Variants in GPR137C observed in about 807,000 individuals in gnomAD.
GPR137C encodes the protein G protein-coupled receptor 137C.
Under a neutral mutation model 43.4 loss-of-function variants are expected in GPR137C, and 27 were observed. That is an observed-to-expected ratio of 0.62 (90% CI 0.46 to 0.86). The LOEUF (loss-of-function observed/expected upper bound fraction) is 0.86. Among genes scored for constraint, GPR137C ranks in the 40% least tolerant of loss-of-function variants. The probability of loss-of-function intolerance (pLI) is 0.00; values close to 1 mark genes in which losing one functional copy is unlikely to be tolerated. For missense variants in GPR137C, 522 were observed against 534.6 expected (o/e 0.98, Z 0.23); for synonymous variants, 285 against 226.9 (o/e 1.26, Z -2.30).
intron 1 of GPR137C, among the ~76,000 whole-genome samples, chr14:52,555,385 ACC>A (rs2038177157): frequency 6.6e-6 from 1 of 152,150 alleles, no homozygotes; most frequent in Non-Finnish European, 1.5e-5. Flanking sequence ...CACCCATGTT[ACC>A]ACCACCCAGA....
intron 3 of GPR137C, among the ~76,000 whole-genome samples, chr14:52,613,981 A>G (rs1452310209): frequency 6.6e-6 from 1 of 152,182 alleles, no homozygotes; most frequent in Admixed American, 6.5e-5. Context: ...ACAGTGTCCA[A>G]GGTTCCCTTT....
chr14:52,604,937 AC>A (rs1365782922), intron 3 of GPR137C, among the ~76,000 whole-genome samples: 1 of 152,208 alleles, frequency 6.6e-6, no homozygotes, highest in African/African-American at 2.4e-5. Flanking sequence ...TTATGCCAGT[AC>A]CATGCTGTTT....
At position 52,635,307 on chromosome 14, in the gene GPR137C, G is replaced by T; in HGVS notation, c.*192G>T. 4.5e-6 allele frequency: 2 copies of T among 447,550 alleles called. No individual in the cohort carries two copies. The highest frequency in any genetic ancestry group is 7.7e-6 in the Non-Finnish European group (2 of 261,008). 27.7% of individuals were successfully genotyped at this position (447,550 alleles called of 1,614,324 possible). ...ATAGTAAAATGAAGTAAAATGGAAAGTTTGGAGTAGGAGAAAAGAGAGATT... is the reference window on the plus strand; with the variant it reads ...ATAGTAAAATGAAGTAAAATGGAAATTTTGGAGTAGGAGAAAAGAGAGATT... On this transcript the variant is annotated 3_prime_UTR_variant, in exon 7 of 7. Coordinates refer to ENST00000321662, the MANE Select transcript of GPR137C (RefSeq NM_001099652.2).
chr14:52,568,825 C>G lies in GPR137C; in HGVS notation c.444+15234C>G, dbSNP rs529631657. ...GCTTATAGAGAAAACTCCCATATCCCTGGGACAGGGCACCTGGGGGAAGGG... is the reference window on the plus strand; with the variant it reads ...GCTTATAGAGAAAACTCCCATATCCGTGGGACAGGGCACCTGGGGGAAGGG... On this transcript the variant is annotated intron_variant, in intron 1 of 6. Transcript: ENST00000321662. Among the ~76,000 whole-genome samples the G allele has an allele frequency of 2.6e-5, 4 of 152,370 alleles. No individual in the cohort carries two copies. The East Asian group carries it at 5.8e-4, about 22-fold the overall frequency.
chr14:52,607,949 C>T (rs1447980021), intron 3 of GPR137C, among the ~76,000 whole-genome samples: 13 of 151,086 alleles, frequency 8.6e-5, no homozygotes, highest in Admixed American at 8.6e-4. Flanking sequence ...TTTTTGGTTT[C>T]CATTTGCATG....
chr14:52,605,830 TG>T (rs1203924005), intron 3 of GPR137C, among the ~76,000 whole-genome samples: 1 of 152,246 alleles, frequency 6.6e-6, no homozygotes, highest in African/African-American at 2.4e-5. Flanking sequence ...ATTCTGTTGC[TG>T]CGATATATCA....
In GPR137C at chr14:52,637,184, G is replaced by C. The variant is rs1189977951; in HGVS notation, c.*2069G>C. On this transcript the variant is annotated 3_prime_UTR_variant, in exon 7 of 7. Transcript: ENST00000321662. Reference sequence around the variant, plus strand: ...CTAGGGTACCCAAATTCTTGCATTTGTCTCCTTATACACATCTAACATATC... The same window carrying C: ...CTAGGGTACCCAAATTCTTGCATTTCTCTCCTTATACACATCTAACATATC... 6.6e-6 allele frequency: 1 copy of C among 152,056 alleles called. No individual in the cohort carries two copies. 9.4% of individuals were successfully genotyped at this position (152,056 alleles called of 1,614,324 possible).
At chr14:52,621,194 A>T (rs1286184437) in intron 3 of GPR137C, among the ~76,000 whole-genome samples, 3 of 151,834 alleles carry the variant, frequency 2.0e-5, no homozygotes, top group Non-Finnish European at 4.4e-5. Flanking sequence ...ACATAAAGGG[A>T]CATCAATGTA....
At chr14:52,558,854 A>G (rs560191124) in intron 1 of GPR137C, among the ~76,000 whole-genome samples, 1 of 152,354 alleles carries the variant, frequency 6.6e-6, no homozygotes, top group South Asian at 2.1e-4. Flanking sequence ...TAGGAAAAAA[A>G]ATCACTCGGG....
intron 1 of GPR137C, among the ~76,000 whole-genome samples, chr14:52,590,236 A>G (rs952758301): frequency 6.6e-6 from 1 of 151,116 alleles, no homozygotes; most frequent in African/African-American, 2.4e-5. Flanking sequence ...AATAAAAATG[A>G]AAACATTTTA....
At chr14:52,627,567 G>A (rs1309182752) in intron 3 of GPR137C, among the ~76,000 whole-genome samples, 1 of 151,596 alleles carries the variant, frequency 6.6e-6, no homozygotes, top group Non-Finnish European at 1.5e-5. Flanking sequence ...GTGCTGTCTG[G>A]GCAGTGCGGT....
At chr14:52,610,794 A>C (rs946924519) in intron 3 of GPR137C, among the ~76,000 whole-genome samples, 1 of 152,216 alleles carries the variant, frequency 6.6e-6, no homozygotes, top group African/African-American at 2.4e-5. Flanking sequence ...ACTGGGTTGT[A>C]TCAAGAGCAA....
chr14:52,621,081 A>T (rs1173604671), intron 3 of GPR137C, among the ~76,000 whole-genome samples: 1 of 151,914 alleles, frequency 6.6e-6, no homozygotes, highest in East Asian at 1.9e-4. Context: ...CCCAATCAGG[A>T]TAAATATGAA....
chr14:52,563,121 G>C lies in GPR137C; in HGVS notation c.444+9530G>C, dbSNP rs12588382. ...CCTCATTCAAATTAACTTCTCAGCA[G>C]CAATTGACCCCCCATATCTTTCCCC... is the stretch of plus-strand genomic sequence containing the variant. On this transcript the variant is annotated intron_variant, in intron 1 of 6. Coordinates refer to ENST00000321662, the MANE Select transcript of GPR137C (RefSeq NM_001099652.2). 7.9e-4 allele frequency among the ~76,000 whole-genome samples: 120 copies of C among 152,222 alleles called. 1 individual carries two copies. The East Asian group carries it at 0.014, about 18-fold the overall frequency.
intron 1 of GPR137C, among the ~76,000 whole-genome samples, chr14:52,577,512 G>A (rs1050277173): frequency 7.5e-4 from 69 of 92,106 alleles, no homozygotes; most frequent in African/African-American, 2.7e-3. Flanking sequence ...GCGTGCGCGC[G>A]CGCGCACACA....
chr14:52,625,532 C>CTTTTTTTTTTTT (rs770278309), intron 3 of GPR137C, among the ~76,000 whole-genome samples: 1 of 36,058 alleles, frequency 2.8e-5, no homozygotes, highest in African/African-American at 1.1e-4. Flanking sequence ...AAGAACACAT[C>CTTTTTTTTTTTT]TTTTTTTTTT....
At chr14:52,561,983 G>A in intron 1 of GPR137C, among the ~76,000 whole-genome samples, 1 of 152,286 alleles carries the variant, frequency 6.6e-6, no homozygotes, top group South Asian at 2.1e-4. Context: ...ATATTTCAAT[G>A]AAGTTGATTT....
rs2039256109 is a variant in GPR137C at position 52,628,487 on chromosome 14, ATAAT to A, written c.718-3669_718-3666del. On this transcript the variant is annotated intron_variant, in intron 3 of 6. Transcript: ENST00000321662. ...AAAAAAATAAGTTGATAAATTAGAA[ATAAT>A]TAAAATTTAAAATTTCTCATCAGGC... Among the ~76,000 whole-genome samples, 4 of 152,332 alleles carry A rather than the reference ATAAT, an allele frequency of 2.6e-5. No homozygotes were observed. The South Asian group carries it at 8.3e-4, about 32-fold the overall frequency.
chr14:52,599,203 C>T (rs997006432), intron 2 of GPR137C, among the ~76,000 whole-genome samples: 13 of 152,078 alleles, frequency 8.5e-5, no homozygotes, highest in Admixed American at 2.0e-4. Context: ...ATGAGGTAGC[C>T]TAAATTTTCT....
Sources: allele counts gnomAD v4.1 joint callset (sites outside exome capture counted in the v4.1 genomes callset), GRCh38; gene constraint gnomAD v4.1.1; transcripts MANE v1.5; gene names NCBI Gene and HGNC (gene_info 2026-07-23, HGNC 2026-07-21).